The following MAOB variants were observed in gnomAD, a reference collection of about 807,000 sequenced individuals.
The protein encoded by MAOB is monoamine oxidase B.
In MAOB, 15 loss-of-function variants were observed where a neutral mutation model predicts 41.9. The ratio of observed to expected loss-of-function variants is 0.36; its 90% CI spans 0.24 to 0.55. The LOEUF (loss-of-function observed/expected upper bound fraction) is 0.55. Ranked by LOEUF, MAOB falls within the 20% of genes least tolerant of loss-of-function variation. The pLI, the probability that MAOB is intolerant of heterozygous loss-of-function variation, is 0.86. For synonymous variants in MAOB, 167 were observed against 144.2 expected, an observed-to-expected ratio of 1.16 and a Z score of -1.13; for missense variants, 345 against 398.7, an observed-to-expected ratio of 0.87 and a Z score of 1.15.
Position 43,775,204 on chromosome X carries a change from G to A in MAOB, c.1206C>T (p.Phe402=). The change falls in exon 12 of 15, where the codon TTC becomes TTT. Residue 402 remains phenylalanine, a synonymous_variant. Coordinates refer to ENST00000378069, the MANE Select transcript of MAOB (RefSeq NM_000898.5). ...CATATTGAGTCAGGATCCCAGGGGG[G>A]AAATAAGTTGTGTAGCAGCCCCCAG... The part of the protein sequence containing the change: ...QYSGGCYTTY[F]PPGILTQYGR... 2.5e-6 allele frequency: 3 copies of A among 1,203,142 alleles called. No homozygotes were observed. Among genetic ancestry groups the A allele is most frequent in the Non-Finnish European group, 3.4e-6 (3 of 892,172 alleles).
At chrX:43,844,838 C>T (rs1471074007) in intron 1 of MAOB, among the ~76,000 whole-genome samples, 5 of 111,989 alleles carry the variant, frequency 4.5e-5, no homozygotes, top group East Asian at 2.8e-4. Context: ...GCACCATTAG[C>T]TTCCCTGGTT....
At chrX:43,857,114 TATAGAGAGAGAGAGAG>T (rs1272009301) in intron 1 of MAOB, among the ~76,000 whole-genome samples, 30 of 11,457 alleles carry the variant, frequency 2.6e-3, no homozygotes, top group African/African-American at 3.6e-3. Flanking sequence ...TATATATATA[TATAGAGAGAGAGAGAG>T]AGAGAGAGAG....
chrX:43,840,713 G>C (rs2035125155), intron 2 of MAOB, among the ~76,000 whole-genome samples: 1 of 110,363 alleles, frequency 9.1e-6, no homozygotes, highest in African/African-American at 3.3e-5. Context: ...CCCTAGCCAA[G>C]GGAAGCTGTG....
intron 3 of MAOB, among the ~76,000 whole-genome samples, chrX:43,832,124 G>A (rs957564886): frequency 3.6e-5 from 4 of 111,695 alleles, no homozygotes; most frequent in Admixed American, 1.9e-4. Flanking sequence ...ATTTCCAATT[G>A]TGTGTGCCTT....
chrX:43,768,080 C>A (rs2034134099), intron 14 of MAOB, among the ~76,000 whole-genome samples: 1 of 111,852 alleles, frequency 8.9e-6, no homozygotes, highest in African/African-American at 3.3e-5. Context: ...CAGGCCTATT[C>A]TCTTTGACTT....
intron 2 of MAOB, among the ~76,000 whole-genome samples, chrX:43,839,313 A>G (rs1430274627): frequency 8.9e-6 from 1 of 111,962 alleles, no homozygotes; most frequent in African/African-American, 3.2e-5. Context: ...TTATTGACGA[A>G]TCTCTTTACT....
At chrX:43,863,448 C>T (rs974504984) in intron 1 of MAOB, among the ~76,000 whole-genome samples, 8 of 111,345 alleles carry the variant, frequency 7.2e-5, no homozygotes, top group East Asian at 2.8e-4. Flanking sequence ...TACACGTGTG[C>T]GCACACACAC....
At chrX:43,819,827 C>T in intron 3 of MAOB, among the ~76,000 whole-genome samples, 1 of 111,928 alleles carries the variant, frequency 8.9e-6, no homozygotes, top group Middle Eastern at 4.6e-3. Flanking sequence ...GGAAATGAGA[C>T]ATAGAGCAAT....
intron 3 of MAOB, among the ~76,000 whole-genome samples, chrX:43,808,799 G>T (rs2034705316): frequency 9.1e-6 from 1 of 110,187 alleles, no homozygotes; most frequent in Non-Finnish European, 1.9e-5. Flanking sequence ...CTGCCTCCTT[G>T]GTTCAAGCGA....
At chrX:43,847,874 T>C (rs1218490152) in intron 1 of MAOB, among the ~76,000 whole-genome samples, 1 of 112,054 alleles carries the variant, frequency 8.9e-6, no homozygotes, top group Non-Finnish European at 1.9e-5. Context: ...AGTCCCTATG[T>C]CCCCATGACA....
At chrX:43,813,174 G>T (rs189552599) in intron 3 of MAOB, among the ~76,000 whole-genome samples, 1 of 112,208 alleles carries the variant, frequency 8.9e-6, no homozygotes, top group East Asian at 2.8e-4. Flanking sequence ...CAATGCTCTC[G>T]ATCATGAAGC....
chrX:43,786,253 T>C (rs1643912396), intron 8 of MAOB, among the ~76,000 whole-genome samples: 1 of 111,919 alleles, frequency 8.9e-6, no homozygotes, highest in African/African-American at 3.2e-5. Context: ...TTGAGGTTGT[T>C]TGAACAAAAT....
intron 1 of MAOB, among the ~76,000 whole-genome samples, chrX:43,854,849 G>A (rs2035278090): frequency 9.0e-6 from 1 of 111,695 alleles, no homozygotes; most frequent in Non-Finnish European, 1.9e-5. Flanking sequence ...CCATTGCCAA[G>A]ATTATACAAG....
chrX:43,808,099 A>C (rs3027464), intron 3 of MAOB, among the ~76,000 whole-genome samples: 1,476 of 111,162 alleles, frequency 0.013, 40 homozygotes, highest in African/African-American at 0.045. Context: ...AACCAAATCA[A>C]GATGCACATT....
intron 3 of MAOB, among the ~76,000 whole-genome samples, chrX:43,811,497 C>A (rs1236233498): frequency 3.6e-5 from 4 of 111,430 alleles, no homozygotes; most frequent in Non-Finnish European, 7.5e-5. Context: ...AAGGGTTGTT[C>A]TTGGGCCATA....
intron 12 of MAOB, among the ~76,000 whole-genome samples, chrX:43,774,047 CA>C (rs1355098958): frequency 1.8e-5 from 2 of 111,709 alleles, no homozygotes; most frequent in Non-Finnish European, 1.9e-5. Flanking sequence ...AAGTGCTAAC[CA>C]AAGTTATTAC....
intron 5 of MAOB, among the ~76,000 whole-genome samples, chrX:43,799,206 A>T (rs779063199): frequency 1.8e-5 from 2 of 112,237 alleles, no homozygotes; most frequent in Non-Finnish European, 3.8e-5. Flanking sequence ...CATTAAAGCG[A>T]CTTACAGTTA....
At chrX:43,815,990 A>G (rs1453858560) in intron 3 of MAOB, among the ~76,000 whole-genome samples, 1 of 112,220 alleles carries the variant, frequency 8.9e-6, no homozygotes, top group Non-Finnish European at 1.9e-5. Flanking sequence ...ATATGGACAA[A>G]AAAAGAACTT....
At chrX:43,815,987 C>CA (rs1425745331) in intron 3 of MAOB, among the ~76,000 whole-genome samples, 3 of 111,273 alleles carry the variant, frequency 2.7e-5, no homozygotes, top group Non-Finnish European at 5.7e-5. Context: ...GCAATATGGA[C>CA]AAAAAAAGAA....
Sources: allele counts gnomAD v4.1 joint callset (sites outside exome capture counted in the v4.1 genomes callset), GRCh38; gene constraint gnomAD v4.1.1; transcripts MANE v1.5; gene names NCBI Gene and HGNC (gene_info 2026-07-23, HGNC 2026-07-21).